Variants in NCKAP5 observed in about 807,000 individuals in gnomAD.
The protein encoded by NCKAP5 is NCK associated protein 5.
A neutral mutation model predicts 167.0 loss-of-function variants in NCKAP5; 92 were observed. The observed-to-expected ratio is 0.55, with a 90% confidence interval of 0.47 to 0.66. The LOEUF is 0.66. Among genes scored for constraint, NCKAP5 ranks in the 30% least tolerant of loss-of-function variants. NCKAP5 has a pLI of 0.00. For synonymous variants in NCKAP5, 891 were observed against 877.4 expected, an observed-to-expected ratio of 1.02 and a Z score of -0.27; for missense variants, 2,378 against 2,315.0, an observed-to-expected ratio of 1.03 and a Z score of -0.56.
chr2:133,455,196 G>T (rs551800626), intron 3 of NCKAP5, among the ~76,000 whole-genome samples: 1 of 152,166 alleles, frequency 6.6e-6, no homozygotes, highest in East Asian at 1.9e-4. Flanking sequence ...TTCTTGGCAT[G>T]ATTATAATAT....
chr2:133,082,228 A>G (rs2080834539), intron 6 of NCKAP5, among the ~76,000 whole-genome samples: 1 of 152,092 alleles, frequency 6.6e-6, no homozygotes, highest in Non-Finnish European at 1.5e-5. Flanking sequence ...TTTATCAAAA[A>G]TGCCACCACA....
rs2080859705 is a variant in NCKAP5, at chr2:133,082,903, T to A, written c.341+47075A>T. On this transcript the variant is annotated intron_variant, in intron 6 of 19. Transcript: ENST00000409261. ...AATTTAAAACAATGCAATATTTATA[T>A]AGACTTGGCTGCACTGAGTTATTAT... is the stretch of plus-strand genomic sequence containing the variant. 1.3e-5 allele frequency among the ~76,000 whole-genome samples: 2 copies of A among 152,172 alleles called. 1 individual carries two copies. The highest frequency in any genetic ancestry group is 4.1e-4 in the South Asian group (2 of 4,838).
In NCKAP5 at chr2:133,528,048, G is replaced by A. The variant is rs1343527253; in HGVS notation, c.-61-10461C>T. Among the ~76,000 whole-genome samples, 3 of 152,084 alleles carry A rather than the reference G, an allele frequency of 2.0e-5. 1 individual carries two copies. Among genetic ancestry groups the A allele is most frequent in the Non-Finnish European group, 4.4e-5 (3 of 68,018 alleles). On this transcript the variant is annotated intron_variant, in intron 2 of 19. Transcript: ENST00000409261. ...CCAGTGCACTCCAGCCTGGGTGACA[G>A]TAAGTCCCTGTCTCAAAAAACAAAA...
intron 12 of NCKAP5, among the ~76,000 whole-genome samples, chr2:132,794,893 G>A (rs766212188): frequency 2.8e-4 from 42 of 152,138 alleles, no homozygotes; most frequent in Admixed American, 5.9e-4. Flanking sequence ...TATTAGTAGA[G>A]CCCTTTCTCA....
chr2:133,042,891 G>A (rs1019343270), intron 6 of NCKAP5, among the ~76,000 whole-genome samples: 5 of 152,132 alleles, frequency 3.3e-5, no homozygotes, highest in Non-Finnish European at 7.3e-5. Context: ...ATTGTACACA[G>A]ATATAAATAA....
intron 3 of NCKAP5, among the ~76,000 whole-genome samples, chr2:133,441,147 C>A (rs1315167294): frequency 6.6e-6 from 1 of 151,846 alleles, no homozygotes; most frequent in Non-Finnish European, 1.5e-5. Flanking sequence ...TTGTCTAGGT[C>A]TAATTTTTTC....
At chr2:133,016,240 C>A (rs557272854) in intron 6 of NCKAP5, among the ~76,000 whole-genome samples, 2 of 152,138 alleles carry the variant, frequency 1.3e-5, no homozygotes, top group African/African-American at 4.8e-5. Flanking sequence ...CCCTGAGGCC[C>A]AGGCCTACAC....
intron 3 of NCKAP5, among the ~76,000 whole-genome samples, chr2:133,439,416 C>T (rs554446738): frequency 3.3e-5 from 5 of 152,188 alleles, no homozygotes; most frequent in Admixed American, 2.0e-4. Context: ...AAAAAGATGT[C>T]GGGGGCAACA....
At chr2:132,814,287 A>G (rs1435027863) in intron 11 of NCKAP5, among the ~76,000 whole-genome samples, 4 of 152,296 alleles carry the variant, frequency 2.6e-5, no homozygotes, top group African/African-American at 9.6e-5. Context: ...ACTTTACCCC[A>G]TGGTAAGAAA....
intron 4 of NCKAP5, among the ~76,000 whole-genome samples, chr2:133,222,131 CT>C (rs987400874): frequency 4.3e-4 from 65 of 152,210 alleles, no homozygotes; most frequent in South Asian, 8.3e-4. Context: ...GTTAATCAAA[CT>C]TTTTGGATTA....
chr2:133,333,350 G>A (rs1008366294), intron 3 of NCKAP5, among the ~76,000 whole-genome samples: 1 of 152,244 alleles, frequency 6.6e-6, no homozygotes, highest in East Asian at 1.9e-4. Flanking sequence ...ATGATACATC[G>A]GAAGAGGAAA....
At chr2:133,434,164 A>G (rs1164167220) in intron 3 of NCKAP5, among the ~76,000 whole-genome samples, 1 of 152,218 alleles carries the variant, frequency 6.6e-6, no homozygotes, top group African/African-American at 2.4e-5. Flanking sequence ...AAAATTCTCA[A>G]GGATAATCCA....
At chr2:133,201,830 C>G (rs1457411750) in intron 5 of NCKAP5, among the ~76,000 whole-genome samples, 1 of 152,008 alleles carries the variant, frequency 6.6e-6, no homozygotes, top group African/African-American at 2.4e-5. Flanking sequence ...CTAGGAGATT[C>G]TGCGCTTAAG....
chr2:133,405,512 AGGCGG>A (rs1688367265), intron 3 of NCKAP5, among the ~76,000 whole-genome samples: 2 of 152,200 alleles, frequency 1.3e-5, no homozygotes, highest in South Asian at 2.1e-4. Context: ...TGAAACCAGA[AGGCGG>A]GGCATTGTCT....
At chr2:132,892,933 C>A in intron 8 of NCKAP5, among the ~76,000 whole-genome samples, 1 of 140,760 alleles carries the variant, frequency 7.1e-6, no homozygotes, top group Non-Finnish European at 1.5e-5. Context: ...TAATTCAGGT[C>A]AGGAAAAAGA....
At chr2:133,474,163 C>A (rs1436623834) in intron 3 of NCKAP5, among the ~76,000 whole-genome samples, 1 of 131,440 alleles carries the variant, frequency 7.6e-6, no homozygotes, top group South Asian at 2.4e-4. Context: ...TATACACACA[C>A]ACACACACAC....
At chr2:132,728,754 T>C (rs1004479009) in intron 18 of NCKAP5, 62 bp downstream of exon 18, 3 of 1,574,010 alleles carry the variant, frequency 1.9e-6, no homozygotes, top group Admixed American at 1.9e-5. Context: ...GTTTTTAGGG[T>C]ACACTTTTTA....
At chr2:133,473,184 T>C (rs1293833364) in intron 3 of NCKAP5, among the ~76,000 whole-genome samples, 1 of 151,894 alleles carries the variant, frequency 6.6e-6, no homozygotes, top group African/African-American at 2.4e-5. Flanking sequence ...ATACAAAAAT[T>C]AGCCAGGCCT....
chr2:133,436,444 G>T (rs1574952223), intron 3 of NCKAP5, among the ~76,000 whole-genome samples: 1 of 152,238 alleles, frequency 6.6e-6, no homozygotes, highest in African/African-American at 2.4e-5. Flanking sequence ...AAGCACCACA[G>T]GGCTCTTTAC....
Sources: allele counts gnomAD v4.1 joint callset (sites outside exome capture counted in the v4.1 genomes callset), GRCh38; gene constraint gnomAD v4.1.1; transcripts MANE v1.5; gene names NCBI Gene and HGNC (gene_info 2026-07-23, HGNC 2026-07-21).